The following COL24A1 variants were observed in gnomAD, a reference collection of about 807,000 sequenced individuals.
COL24A1 encodes collagen alpha-1(XXIV) chain.
A neutral mutation model predicts 253.9 loss-of-function variants in COL24A1; 224 were observed. That is an observed-to-expected ratio of 0.88 (90% CI 0.79 to 0.99). COL24A1 has a LOEUF of 0.99. COL24A1 is among the 50% of genes least tolerant of loss of function. COL24A1 has a pLI of 0.00. For missense variants in COL24A1, 2,131 were observed against 2,068.5 expected, an observed-to-expected ratio of 1.03 and a Z score of -0.59; for synonymous variants, 685 against 673.7, an observed-to-expected ratio of 1.02 and a Z score of -0.26.
chr1:86,091,745 A>G (rs1401320038), intron 6 of COL24A1, among the ~76,000 whole-genome samples: 1 of 152,138 alleles, frequency 6.6e-6, no homozygotes, highest in Non-Finnish European at 1.5e-5. Context: ...AAATTTGGAT[A>G]TATCATCAAC....
In COL24A1 at chr1:85,875,677, A is replaced by G. The variant is rs149544837; in HGVS notation, c.3031-347T>C. Among the ~76,000 whole-genome samples the G allele has an allele frequency of 7.7e-3, 1,171 of 151,948 alleles. 10 individuals carry two copies. The highest frequency in any genetic ancestry group is 0.011 in the Non-Finnish European group (756 of 67,998). On this transcript the variant is annotated intron_variant, in intron 33 of 59. Transcript: ENST00000370571. Reference sequence around the variant, plus strand: ...TTTTCCTTATTGGTTTCATAAAAATATCATGCAAATAAGAGATAAATTTAT... The same window carrying G: ...TTTTCCTTATTGGTTTCATAAAAATGTCATGCAAATAAGAGATAAATTTAT...
At chr1:85,884,688 T>A (rs1423116157) in intron 32 of COL24A1, among the ~76,000 whole-genome samples, 7 of 152,196 alleles carry the variant, frequency 4.6e-5, no homozygotes, top group African/African-American at 1.7e-4. Flanking sequence ...AGGTTTTCCT[T>A]TCCCAAAGGT....
intron 24 of COL24A1, among the ~76,000 whole-genome samples, chr1:85,956,902 T>C (rs1690519247): frequency 6.6e-6 from 1 of 152,120 alleles, no homozygotes; most frequent in Admixed American, 6.5e-5. Context: ...TTTAGTTTTG[T>C]TTGCTCCAAC....
intron 7 of COL24A1, among the ~76,000 whole-genome samples, chr1:86,087,474 A>C (rs1389374663): frequency 6.6e-6 from 1 of 152,168 alleles, no homozygotes; most frequent in Non-Finnish European, 1.5e-5. Flanking sequence ...ATTTACTCCC[A>C]GAGACTGCAT....
At chr1:86,129,752 G>T (rs1648870413) in intron 2 of COL24A1, among the ~76,000 whole-genome samples, 1 of 151,782 alleles carries the variant, frequency 6.6e-6, no homozygotes, top group South Asian at 2.1e-4. Flanking sequence ...TATGATCAGA[G>T]AATGGTGTCT....
intron 19 of COL24A1, among the ~76,000 whole-genome samples, chr1:85,997,057 A>ATATATATATATATGTGTGTGTGTGTG (rs1694881808): frequency 4.8e-5 from 2 of 41,818 alleles, no homozygotes; most frequent in Admixed American, 2.3e-4. Flanking sequence ...GTGTGTGTGT[A>ATATATATATATATGTGTGTGTGTGTG]TATATATATA....
intron 47 of COL24A1, among the ~76,000 whole-genome samples, chr1:85,805,086 T>C (rs1311831455): frequency 6.6e-6 from 1 of 152,164 alleles, no homozygotes; most frequent in Admixed American, 6.5e-5. Flanking sequence ...AGAGGTCCTC[T>C]TGCCTTGGTC....
At position 85,868,385 on chromosome 1, in the gene COL24A1, T is replaced by C. The variant is rs1680023266; in HGVS notation, c.3300+134A>G. 5.5e-6 allele frequency: 3 copies of C among 545,444 alleles called. No homozygotes were observed. The East Asian group carries it at 8.9e-5, about 16-fold the overall frequency. 33.8% of individuals were successfully genotyped at this position (545,444 alleles called of 1,614,324 possible). ...AATCAGTCCTTGACTTTTCCTTCTC[T>C]CTAGCCACAGTTTCACATATACAAT... On this transcript the variant is annotated intron_variant, in intron 37 of 59. Transcript: ENST00000370571.
chr1:85,856,556 T>G lies in COL24A1; in HGVS notation c.3301-7150A>C, dbSNP rs533812720. ...AATTATATCACCTGTTCTCACTCCA[T>G]CACTGACTTTCTGATTACCCTACCT... On this transcript the variant is annotated intron_variant, in intron 37 of 59. Coordinates refer to ENST00000370571, the MANE Select transcript of COL24A1 (RefSeq NM_152890.7). 2.6e-5 allele frequency among the ~76,000 whole-genome samples: 4 copies of G among 152,294 alleles called. No individual in the cohort carries two copies. In the East Asian group the frequency reaches 7.7e-4, roughly 29 times the overall value.
At chr1:85,957,576 A>T (rs1033885977) in intron 24 of COL24A1, among the ~76,000 whole-genome samples, 21 of 152,220 alleles carry the variant, frequency 1.4e-4, no homozygotes, top group African/African-American at 4.3e-4. Flanking sequence ...CACACTGGAG[A>T]CTGACTAGGA....
rs555693816 is a variant in COL24A1, at chr1:85,810,550, T to C, written c.3951+6238A>G. 2.6e-5 allele frequency among the ~76,000 whole-genome samples: 4 copies of C among 152,080 alleles called. No individual in the cohort carries two copies. In the South Asian group the frequency reaches 6.2e-4, roughly 24 times the overall value. On this transcript the variant is annotated intron_variant, in intron 47 of 59. Transcript: ENST00000370571. Reference sequence around the variant, plus strand: ...GATATTTGTCCCTGCCCAAATCTCATGTTGAATTGTAATCCCCAGTGCAGG... The same window carrying C: ...GATATTTGTCCCTGCCCAAATCTCACGTTGAATTGTAATCCCCAGTGCAGG...
chr1:85,806,793 C>G (rs1672016591), intron 47 of COL24A1, among the ~76,000 whole-genome samples: 2 of 152,206 alleles, frequency 1.3e-5, no homozygotes, highest in Admixed American at 1.3e-4. Flanking sequence ...CCAGTCTCCA[C>G]CCTGCTCTAC....
intron 2 of COL24A1, among the ~76,000 whole-genome samples, chr1:86,128,285 C>A (rs1507263): frequency 6.6e-6 from 1 of 151,726 alleles, no homozygotes; most frequent in African/African-American, 2.4e-5. Context: ...AAATTTACAC[C>A]GCCGAAACTA....
chr1:85,913,357 G>C (rs2102946743), intron 24 of COL24A1, among the ~76,000 whole-genome samples: 1 of 152,298 alleles, frequency 6.6e-6, no homozygotes, highest in South Asian at 2.1e-4. Context: ...CTCTGAATCA[G>C]TGTCCAATAT....
intron 24 of COL24A1, among the ~76,000 whole-genome samples, chr1:85,955,251 C>A (rs1690322588): frequency 6.6e-6 from 1 of 152,176 alleles, no homozygotes. Context: ...CAGGGGAAGA[C>A]CACCTTCCCA....
At chr1:85,920,748 G>T (rs1686370531) in intron 24 of COL24A1, among the ~76,000 whole-genome samples, 1 of 151,958 alleles carries the variant, frequency 6.6e-6, no homozygotes, top group Admixed American at 6.6e-5. Flanking sequence ...ACTGTTAGAG[G>T]AAAAGTGACG....
At chr1:86,038,851 T>A (rs1699233210) in intron 12 of COL24A1, among the ~76,000 whole-genome samples, 2 of 152,020 alleles carry the variant, frequency 1.3e-5, no homozygotes, top group South Asian at 4.2e-4. Context: ...AAGCAAATCC[T>A]CCAACCCCCA....
chr1:86,053,921 G>C (rs1038973030), intron 10 of COL24A1, among the ~76,000 whole-genome samples: 1 of 152,076 alleles, frequency 6.6e-6, no homozygotes, highest in African/African-American at 2.4e-5. Flanking sequence ...CTATGAGTGT[G>C]TTTCTATGAT....
At chr1:85,954,156 A>G (rs1031933613) in intron 24 of COL24A1, among the ~76,000 whole-genome samples, 3 of 152,192 alleles carry the variant, frequency 2.0e-5, no homozygotes, top group Non-Finnish European at 4.4e-5. Flanking sequence ...GGCACGTATA[A>G]TAACTAGCTT....
Sources: gnomAD v4.1 joint callset for allele counts (sites outside exome capture counted in the v4.1 genomes callset) on GRCh38, gnomAD v4.1.1 for gene constraint, MANE v1.5 for transcripts, NCBI Gene and HGNC (gene_info 2026-07-23, HGNC 2026-07-21) for gene names.